The following SLC14A1 variants were observed in gnomAD, a reference collection of about 807,000 sequenced individuals.
SLC14A1 encodes the protein solute carrier family 14 member 1 (Kidd blood group), also known as urea transporter 1.
In SLC14A1, 36 loss-of-function variants were observed where a neutral mutation model predicts 39.6. The observed-to-expected ratio is 0.91, with a 90% CI of 0.70 to 1.20. SLC14A1 has a LOEUF of 1.20. SLC14A1 is among the 50% of genes most tolerant of loss of function. The probability of loss-of-function intolerance (pLI) is 0.00; values close to 1 mark genes in which losing one functional copy is unlikely to be tolerated. For synonymous variants in SLC14A1, 164 were observed against 173.6 expected (o/e 0.94, Z 0.43); for missense variants, 469 against 478.7 (o/e 0.98, Z 0.19).
In SLC14A1 at chr18:45,724,267, G is replaced by A. The variant is rs941302130; in HGVS notation, c.-92G>A. The A allele has an allele frequency of 6.6e-6, 1 of 152,228 alleles. No homozygotes were observed. Among genetic ancestry groups the A allele is most frequent in the Non-Finnish European group, 1.5e-5 (1 of 68,038 alleles). 9.4% of individuals were successfully genotyped at this position (152,228 alleles called of 1,614,324 possible). A position where few individuals can be genotyped will look rare whatever the true frequency, so the allele number is the denominator to read the frequency against. On this transcript the variant is annotated 5_prime_UTR_variant, in exon 1 of 10. Transcript: ENST00000321925. The stretch of plus-strand genomic sequence containing the variant: ...CCTTCTGCTGCCAGGAAGCCAGCTA[G>A]AGTGGTGTAAGTACTCATCCTTATT...
Position 45,750,604 on chromosome 18 carries a change from T to C in SLC14A1, c.*653T>C, listed in dbSNP as rs2047678332. 1.0e-6 allele frequency: 1 copy of C among 986,468 alleles called. No individual in the cohort carries two copies. Among genetic ancestry groups the C allele is most frequent in the Admixed American group, 6.0e-5 (1 of 16,554 alleles). The allele number at this position is 986,468 out of a possible 1,614,324, so 61.1% of individuals were successfully genotyped here. On this transcript the variant is annotated 3_prime_UTR_variant, in exon 10 of 10. Transcript: ENST00000321925. ...CTGCAAGAGGGAGAAAGGAATTTTG[T>C]CAATCAAAATTATTCTGTATTGCAA...
intron 8 of SLC14A1, among the ~76,000 whole-genome samples, chr18:45,743,214 CT>C (rs1246495176): frequency 6.6e-6 from 1 of 152,196 alleles, no homozygotes; most frequent in African/African-American, 2.4e-5. Context: ...TATAAGGATC[CT>C]TGTGATTACA....
At position 45,731,077 on chromosome 18, in the gene SLC14A1, G is replaced by A. The variant is rs147563846; in HGVS notation, c.214G>A (p.Val72Ile). ...ILRGISQVVF[V>I]NNPVSGILIL... ...CCGGGGCATATCCCAAGTGGTGTTC[G>A]TCAACAACCCCGTCAGTGGAATCCT... Residue 72 changes from valine to isoleucine, a missense_variant, in exon 4 of 10, where the codon GTC becomes ATC. By Grantham distance (29) the Val-to-Ile change is conservative. Transcript: ENST00000321925. 1.9e-5 allele frequency: 30 copies of A among 1,613,940 alleles called. No homozygotes were observed. The highest frequency in any genetic ancestry group is 1.3e-4 in the African/African-American group (10 of 74,868).
chr18:45,732,860 A>G (rs1026609022), intron 4 of SLC14A1, among the ~76,000 whole-genome samples: 1 of 152,234 alleles, frequency 6.6e-6, no homozygotes, highest in African/African-American at 2.4e-5. Flanking sequence ...CTAGGTGCCC[A>G]TCAATGGTGG....
At chr18:45,741,087 C>T (rs1469556049) in intron 8 of SLC14A1, 1 of 152,276 alleles carries the variant, frequency 6.6e-6, no homozygotes, top group South Asian at 2.1e-4. Flanking sequence ...CCCCCGGAAC[C>T]CACACTTACC....
chr18:45,744,350 T>C (rs1274820797), intron 8 of SLC14A1, among the ~76,000 whole-genome samples: 1 of 152,214 alleles, frequency 6.6e-6, no homozygotes, highest in African/African-American at 2.4e-5. Flanking sequence ...CAAAGAGGGT[T>C]TGCAAAGAGA....
In SLC14A1 at chr18:45,730,392, A is replaced by C; in HGVS notation, c.72A>C (p.Pro24=). Residue 24 remains proline (P), a synonymous_variant, in exon 3 of 10, where the codon CCA becomes CCC. Coordinates refer to ENST00000321925, the MANE Select transcript of SLC14A1 (RefSeq NM_015865.7). ...TMVRGENQVS[P]CQGRRCFPKA... ...TTAGGGGTGAAAACCAGGTTTCGCC[A>C]TGTCAAGGGAGAAGGTGCTTCCCCA... The C allele has an allele frequency of 1.9e-6, 3 of 1,614,206 alleles. No individual in the cohort carries two copies. Among genetic ancestry groups the C allele is most frequent in the Non-Finnish European group, 2.5e-6 (3 of 1,180,032 alleles).
chr18:45,739,139 A>G (rs1315616084), intron 6 of SLC14A1, 24 bp from the exon 7 acceptor site: 1 of 1,613,982 alleles, frequency 6.2e-7, no homozygotes, highest in South Asian at 1.1e-5. Flanking sequence ...TGGTAGCCTC[A>G]TTTTTCTTAA....
rs2047698418 is a variant in SLC14A1 at position 45,751,345 on chromosome 18, A to G, written c.*1394A>G. On this transcript the variant is annotated 3_prime_UTR_variant, in exon 10 of 10. Coordinates refer to ENST00000321925, the MANE Select transcript of SLC14A1 (RefSeq NM_015865.7). The stretch of plus-strand genomic sequence containing the variant: ...ACAAGAGTGAAACTGTGTCTCTCAA[A>G]AAAAAAAAAAAACAAACAAAAACAA... 8.2e-6 allele frequency: 7 copies of G among 854,962 alleles called. No homozygotes were observed. Among genetic ancestry groups the G allele is most frequent in the Non-Finnish European group, 8.1e-6 (6 of 736,756 alleles). The allele number at this position is 854,962 out of a possible 1,614,324, so 53.0% of individuals were successfully genotyped here.
chr18:45,752,223 C>T lies in SLC14A1; in HGVS notation c.*2272C>T. Reference sequence around the variant, plus strand: ...TGTGGGGAAAAAAAAGCAAGCATAACCAAAGATCATCAGCAGTGAAGAATC... The same window carrying T: ...TGTGGGGAAAAAAAAGCAAGCATAATCAAAGATCATCAGCAGTGAAGAATC... On this transcript the variant is annotated 3_prime_UTR_variant, in exon 10 of 10. Transcript: ENST00000321925. 1.0e-6 allele frequency: 1 copy of T among 985,344 alleles called. No homozygotes were observed. The highest frequency in any genetic ancestry group is 4.7e-5 in the South Asian group (1 of 21,280). 61.0% of individuals were successfully genotyped at this position (985,344 alleles called of 1,614,324 possible).
intron 2 of SLC14A1, among the ~76,000 whole-genome samples, chr18:45,728,667 C>G (rs143916475): frequency 1.4e-3 from 220 of 152,192 alleles, no homozygotes; most frequent in Non-Finnish European, 2.3e-3. Context: ...CTTAATTATT[C>G]ATACGGTTTT....
chr18:45,735,143 G>A (rs893292637), intron 5 of SLC14A1, among the ~76,000 whole-genome samples: 2 of 152,158 alleles, frequency 1.3e-5, no homozygotes, highest in Non-Finnish European at 2.9e-5. Flanking sequence ...TCATTGGTCT[G>A]CGGTAGCGCC....
chr18:45,733,611 C>A (rs2047095752), intron 4 of SLC14A1, among the ~76,000 whole-genome samples: 1 of 152,166 alleles, frequency 6.6e-6, no homozygotes, highest in South Asian at 2.1e-4. Context: ...AATAACTTTC[C>A]AAAGGAAAGG....
chr18:45,734,266 C>A lies in SLC14A1; in HGVS notation c.342-8C>A. The A allele has an allele frequency of 1.2e-6, 2 of 1,613,818 alleles. No homozygotes were observed. Among genetic ancestry groups the A allele is most frequent in the Non-Finnish European group, 1.7e-6 (2 of 1,179,844 alleles). The stretch of plus-strand genomic sequence containing the variant: ...GGAAATGTCCGTGCTGTGTCTCTTG[C>A]CCCACAGGTCATTAATAGCATCTGG... On this transcript the variant is annotated splice_polypyrimidine_tract_variant and splice_region_variant and intron_variant, in intron 4 of 9. Coordinates refer to ENST00000321925, the MANE Select transcript of SLC14A1 (RefSeq NM_015865.7).
In SLC14A1 at chr18:45,739,204, C is replaced by G; in HGVS notation, c.705C>G (p.Gly235=). ...CAGTGGGAGTTGGTCAGATCTATGGCTGTGATAATCCATGGACAGGGGGCA... is the reference window on the plus strand; with the variant it reads ...CAGTGGGAGTTGGTCAGATCTATGGGTGTGATAATCCATGGACAGGGGGCA... ...SIPVGVGQIY[G]CDNPWTGGIF... is the part of the protein sequence containing the mutation. Residue 235 remains glycine (G), a synonymous_variant, in exon 7 of 10, where the codon GGC becomes GGG. Coordinates refer to ENST00000321925, the MANE Select transcript of SLC14A1 (RefSeq NM_015865.7). 1.9e-6 allele frequency: 3 copies of G among 1,614,120 alleles called. No homozygotes were observed. The highest frequency in any genetic ancestry group is 2.5e-6 in the Non-Finnish European group (3 of 1,179,996).
chr18:45,730,579 A>G lies in SLC14A1; in HGVS notation c.151+108A>G, dbSNP rs539260214. ...AGTTATATTCTCCAACTTTTTATAG[A>G]TCTCTTTACTCACCATTTTTCTACT... On this transcript the variant is annotated intron_variant, in intron 3 of 9. Coordinates refer to ENST00000321925, the MANE Select transcript of SLC14A1 (RefSeq NM_015865.7). The G allele has an allele frequency of 4.1e-6, 5 of 1,211,962 alleles. No homozygotes were observed. In the African/African-American group the frequency reaches 7.6e-5, roughly 18 times the overall value. The allele number at this position is 1,211,962 out of a possible 1,614,324, so 75.1% of individuals were successfully genotyped here.
In SLC14A1 at chr18:45,749,781, G is replaced by T. The variant is rs1164832730; in HGVS notation, c.1000G>T (p.Gly334Ter). 1.2e-6 allele frequency: 2 copies of T among 1,614,018 alleles called. No homozygotes were observed. Among genetic ancestry groups the T allele is most frequent in the Non-Finnish European group, 1.7e-6 (2 of 1,180,030 alleles). The change falls in exon 10 of 10, where the codon GGA becomes TGA. Residue 334 changes from glycine to a stop codon, truncating the protein, a stop_gained. Transcript: ENST00000321925. LOFTEE classifies it high-confidence loss of function. ...GTGGCTTTCTCTTCTTCCCCAGGTT[G>T]GATTGCCAGCTTGTACCTGGCCCTT... ...VGMANFMAEV[G>*]LPACTWPFCL... is the part of the protein sequence containing the mutation.
At chr18:45,748,907 G>A (rs1312439947) in intron 9 of SLC14A1, among the ~76,000 whole-genome samples, 1 of 152,222 alleles carries the variant, frequency 6.6e-6, no homozygotes, top group South Asian at 2.1e-4. Context: ...AGGAGACACA[G>A]TGTCTTTCTG....
At chr18:45,728,145 A>G (rs1307874844) in intron 2 of SLC14A1, among the ~76,000 whole-genome samples, 1 of 152,220 alleles carries the variant, frequency 6.6e-6, no homozygotes, top group Admixed American at 6.5e-5. Context: ...GGAGAAAACT[A>G]GTTTAATCTT....
Sources: gnomAD v4.1 joint callset for allele counts (sites outside exome capture counted in the v4.1 genomes callset) on GRCh38, gnomAD v4.1.1 for gene constraint, MANE v1.5 for transcripts, NCBI Gene and HGNC (gene_info 2026-07-23, HGNC 2026-07-21) for gene names.